Variants in CNNM2 observed in about 807,000 individuals in gnomAD.
CNNM2 encodes metal transporter CNNM2.
Under a neutral mutation model 66.9 loss-of-function variants are expected in CNNM2, and 12 were observed. The observed-to-expected ratio is 0.18, with a 90% CI of 0.11 to 0.29. CNNM2 has a LOEUF of 0.29. CNNM2 is among the 10% of genes least tolerant of loss of function. The probability of loss-of-function intolerance (pLI) is 1.00; values close to 1 mark genes in which losing one functional copy is unlikely to be tolerated. For synonymous variants in CNNM2, 557 were observed against 501.8 expected, an observed-to-expected ratio of 1.11 and a Z score of -1.47; for missense variants, 705 against 1,167.7, an observed-to-expected ratio of 0.60 and a Z score of 5.77.
At chr10:102,933,777 A>G (rs2134169425) in intron 1 of CNNM2, among the ~76,000 whole-genome samples, 1 of 152,300 alleles carries the variant, frequency 6.6e-6, no homozygotes, top group South Asian at 2.1e-4. Context: ...AAAATCAAGT[A>G]TTAGTCCAGG....
intron 1 of CNNM2, among the ~76,000 whole-genome samples, chr10:102,961,350 G>A (rs1457337100): frequency 6.6e-6 from 1 of 152,124 alleles, no homozygotes; most frequent in Admixed American, 6.6e-5. Context: ...CCTTCATCAT[G>A]AGCCAAGAGA....
chr10:103,029,907 T>C (rs971685073), intron 1 of CNNM2, among the ~76,000 whole-genome samples: 4 of 151,962 alleles, frequency 2.6e-5, no homozygotes, highest in Non-Finnish European at 4.4e-5. Flanking sequence ...GAGATAGTTA[T>C]TAATACAGGG....
In CNNM2 at chr10:103,054,820, A is replaced by C. The variant is rs1453314256; in HGVS notation, c.1903+354A>C. Among the ~76,000 whole-genome samples, 4 of 152,296 alleles carry C rather than the reference A, an allele frequency of 2.6e-5. No individual in the cohort carries two copies. The East Asian group carries it at 7.7e-4, about 29-fold the overall frequency. ...CCGTGGGAGAGCCAGCTGGCGGAGC[A>C]GGCTGATGGTGCCAGCCTGGCACCA... On this transcript the variant is annotated intron_variant, in intron 3 of 7. Transcript: ENST00000369878. This position sits in a 1 kb window ranked among gnomAD's most constrained non-coding sequence, Gnocchi z 5.2.
Position 103,008,877 on chromosome 10 carries a change from C to T in CNNM2, c.1622-40830C>T, listed in dbSNP as rs11191506. 0.2 allele frequency among the ~76,000 whole-genome samples: 30,860 copies of T among 151,068 alleles called. 3,272 individuals carry two copies. The highest frequency in any genetic ancestry group is 0.22 in the Non-Finnish European group (15,066 of 67,900). On this transcript the variant is annotated intron_variant, in intron 1 of 7. Coordinates refer to ENST00000369878, the MANE Select transcript of CNNM2 (RefSeq NM_017649.5). ...CAAGCATTTGTAAAACAAGATTTTTCGAGTTCCCATTTATAATTGTAGTAT... is the reference window on the plus strand; with the variant it reads ...CAAGCATTTGTAAAACAAGATTTTTTGAGTTCCCATTTATAATTGTAGTAT...
At chr10:103,011,693 A>ATT in intron 1 of CNNM2, among the ~76,000 whole-genome samples, 1 of 102,076 alleles carries the variant, frequency 9.8e-6, no homozygotes, top group African/African-American at 3.7e-5. Flanking sequence ...TGTATGTATA[A>ATT]TTTTTTTTTT....
chr10:103,046,712 A>G (rs1354031175), intron 1 of CNNM2, among the ~76,000 whole-genome samples: 1 of 152,344 alleles, frequency 6.6e-6, no homozygotes, highest in Non-Finnish European at 1.5e-5. Flanking sequence ...ATCAAGCTAA[A>G]AGGAAGGCAG....
At chr10:102,962,458 A>T (rs778260695) in intron 1 of CNNM2, among the ~76,000 whole-genome samples, 1 of 152,176 alleles carries the variant, frequency 6.6e-6, no homozygotes, top group Non-Finnish European at 1.5e-5. Flanking sequence ...GATTCTTGTG[A>T]TTATACTCCT....
At chr10:103,059,969 T>A (rs980578741) in intron 4 of CNNM2, among the ~76,000 whole-genome samples, 7 of 151,980 alleles carry the variant, frequency 4.6e-5, no homozygotes, top group Admixed American at 1.3e-4. Context: ...GATCCCCTTC[T>A]CTACAAAAAA....
At chr10:103,026,396 T>A (rs143991137) in intron 1 of CNNM2, among the ~76,000 whole-genome samples, 12 of 152,154 alleles carry the variant, frequency 7.9e-5, no homozygotes, top group African/African-American at 2.6e-4. Context: ...GCTCAGGAGT[T>A]TGAGACCAGT....
intron 1 of CNNM2, among the ~76,000 whole-genome samples, chr10:103,034,972 C>CAAAAAAAAAA (rs71019651): frequency 1.4e-4 from 10 of 71,114 alleles, no homozygotes; most frequent in African/African-American, 1.8e-4. Context: ...GACTCCGTCT[C>CAAAAAAAAAA]AAAAAAAAAA....
chr10:103,015,380 G>T (rs139144070), intron 1 of CNNM2, among the ~76,000 whole-genome samples: 246 of 152,314 alleles, frequency 1.6e-3, no homozygotes, highest in African/African-American at 5.7e-3. Flanking sequence ...GAATTCTGCA[G>T]ACCCTACTCA....
chr10:102,969,556 G>A (rs1005006620), intron 1 of CNNM2, among the ~76,000 whole-genome samples: 6 of 151,866 alleles, frequency 4.0e-5, no homozygotes, highest in African/African-American at 1.2e-4. Flanking sequence ...TTTCTCCACC[G>A]ACTGGCAGTC....
rs868447195 is a variant in CNNM2, at chr10:103,048,789, T to G, written c.1622-918T>G. ...GAAGTGTTTTATGACAATTCCCATG[T>G]TGTCATACAGATTACCAAAAGACAT... On this transcript the variant is annotated intron_variant, in intron 1 of 7. Transcript: ENST00000369878. 1.2e-4 allele frequency among the ~76,000 whole-genome samples: 18 copies of G among 152,352 alleles called. No individual in the cohort carries two copies. The Middle Eastern group carries it at 0.014, about 115-fold the overall frequency.
chr10:103,007,125 C>T (rs554503566), intron 1 of CNNM2, among the ~76,000 whole-genome samples: 102 of 152,210 alleles, frequency 6.7e-4, no homozygotes, highest in Non-Finnish European at 1.0e-3. Flanking sequence ...TCGGTAGGAC[C>T]GTGATGCCCA....
At chr10:103,028,572 A>G (rs1422967400) in intron 1 of CNNM2, among the ~76,000 whole-genome samples, 1 of 152,212 alleles carries the variant, frequency 6.6e-6, no homozygotes, top group Non-Finnish European at 1.5e-5. Context: ...ACAATTAAAT[A>G]GGAAATGAGT....
chr10:103,004,778 ATCT>A (rs2064193458), intron 1 of CNNM2, among the ~76,000 whole-genome samples: 1 of 152,214 alleles, frequency 6.6e-6, no homozygotes, highest in Non-Finnish European at 1.5e-5. Flanking sequence ...ACTTTTACAT[ATCT>A]TCTTCTAGAT....
chr10:103,056,441 T>A (rs1277264748), intron 3 of CNNM2, among the ~76,000 whole-genome samples: 3 of 152,212 alleles, frequency 2.0e-5, no homozygotes, highest in Non-Finnish European at 4.4e-5. Context: ...TTCCTTTGGC[T>A]GTTGGTCGAC....
At chr10:103,011,152 T>C (rs540247139) in intron 1 of CNNM2, among the ~76,000 whole-genome samples, 40 of 152,318 alleles carry the variant, frequency 2.6e-4, no homozygotes, top group African/African-American at 9.1e-4. Flanking sequence ...GAGTTGCTTC[T>C]TTGCTTAATA....
chr10:103,050,071 A>G (rs548412475), intron 2 of CNNM2, among the ~76,000 whole-genome samples: 17 of 152,346 alleles, frequency 1.1e-4, no homozygotes, highest in African/African-American at 3.8e-4. Context: ...AGCTGCTTCT[A>G]ACCACTGATG....
Sources: allele counts gnomAD v4.1 joint callset (sites outside exome capture counted in the v4.1 genomes callset), GRCh38; gene constraint gnomAD v4.1.1; non-coding constraint Gnocchi (gnomAD v3.1); transcripts MANE v1.5; gene names NCBI Gene and HGNC (gene_info 2026-07-23, HGNC 2026-07-21).